ACE: variants seen among roughly 807,000 people sequenced by gnomAD.
ACE encodes the protein angiotensin I converting enzyme, also known as angiotensin-converting enzyme.
A neutral mutation model predicts 162.3 loss-of-function variants in ACE; 122 were observed. The ratio of observed to expected loss-of-function variants is 0.75; its 90% CI spans 0.65 to 0.87. The LOEUF (loss-of-function observed/expected upper bound fraction) is 0.87. Among genes scored for constraint, ACE ranks in the 40% least tolerant of loss-of-function variants. ACE has a pLI of 0.00. For synonymous variants in ACE, 796 were observed against 720.6 expected, an observed-to-expected ratio of 1.10 and a Z score of -1.68; for missense variants, 1,799 against 1,735.1, an observed-to-expected ratio of 1.04 and a Z score of -0.65.
At chr17:63,490,691 C>T (rs1156505786) in intron 17 of ACE, 2 of 517,624 alleles carry the variant, frequency 3.9e-6, no homozygotes, top group Non-Finnish European at 7.1e-6. Flanking sequence ...ACATTGGTCT[C>T]CACTGCTCAC....
chr17:63,493,419 C>A lies in ACE; in HGVS notation c.2913-17C>A, dbSNP rs561615933. The stretch of plus-strand genomic sequence containing the variant: ...TGTCCTCTCCCAACACCCTCTCCCC[C>A]ACTCCACTATTCCTAGGATCAAGCA... On this transcript the variant is annotated splice_polypyrimidine_tract_variant and intron_variant, in intron 19 of 24. Coordinates refer to ENST00000290866, the MANE Select transcript of ACE (RefSeq NM_000789.4). 9.3e-6 allele frequency: 15 copies of A among 1,612,608 alleles called. No individual in the cohort carries two copies. Among genetic ancestry groups the A allele is most frequent in the Middle Eastern group, 1.7e-4 (1 of 5,894 alleles).
Position 63,486,993 on chromosome 17 carries a change from A to G in ACE, c.2225A>G (p.Lys742Arg), listed in dbSNP as rs2029992890. Residue 742 changes from lysine (K) to arginine (R), a missense_variant, in exon 15 of 25, where the codon AAG (lysine) becomes AGG (arginine). Transcript: ENST00000290866. ...LPAQELEEYN[K>R]ILLDMETTYS... Reference sequence around the variant, plus strand: ...CTCTCCTTCCTCCTGCAGTACAACAAGATCCTGTTGGATATGGAAACCACC... The same window carrying G: ...CTCTCCTTCCTCCTGCAGTACAACAGGATCCTGTTGGATATGGAAACCACC... 15 of 1,613,542 alleles carry G rather than the reference A, an allele frequency of 9.3e-6. No homozygotes were observed. Among genetic ancestry groups the G allele is most frequent in the Non-Finnish European group, 1.2e-5 (14 of 1,179,782 alleles).
intron 5 of ACE, 70 bp downstream of exon 5, chr17:63,480,598 TC>T: frequency 6.4e-7 from 1 of 1,562,266 alleles, no homozygotes. Context: ...GTGGGGGATG[TC>T]CAGGGTAAGG....
At chr17:63,487,606 GA>G (rs1184493152) in intron 15 of ACE, among the ~76,000 whole-genome samples, 3 of 152,126 alleles carry the variant, frequency 2.0e-5, no homozygotes, top group Non-Finnish European at 4.4e-5. Context: ...CTACTGGATA[GA>G]AGTAGACAGC....
Position 63,482,495 on chromosome 17 carries a change from A to G in ACE, c.1148A>G (p.Asp383Gly), listed in dbSNP as rs374899854. 3.1e-6 allele frequency: 5 copies of G among 1,613,858 alleles called. No individual in the cohort carries two copies. Among genetic ancestry groups the G allele is most frequent in the Admixed American group, 1.7e-5 (1 of 59,986 alleles). ...AAGCAGTGCACACGGGTCACGATGG[A>G]CCAGCTCTCCACAGTGCACCATGAG... ...RIKQCTRVTMDQLSTVHHEMG... is the reference protein window; with the variant it reads ...RIKQCTRVTMGQLSTVHHEMG... The change falls in exon 8 of 25, where the codon GAC becomes GGC. Residue 383 changes from aspartate to glycine, a missense_variant. By Grantham distance (94) the Asp-to-Gly change is moderately conservative. Coordinates refer to ENST00000290866, the MANE Select transcript of ACE (RefSeq NM_000789.4).
chr17:63,478,338 C>T (rs1356492351), intron 2 of ACE: 1 of 574,818 alleles, frequency 1.7e-6, no homozygotes, highest in East Asian at 3.0e-5. Context: ...TTCAAATACA[C>T]TTCTCCCTAG....
intron 7 of ACE, among the ~76,000 whole-genome samples, chr17:63,482,238 T>C (rs146902069): frequency 0.02 from 3,085 of 152,020 alleles, 103 homozygotes; most frequent in African/African-American, 0.067. Context: ...GAGGCGGAGG[T>C]TGCAGTGAGC....
Position 63,493,842 on chromosome 17 carries a change from C to G in ACE, c.3137-80C>G, listed in dbSNP as rs915959873. ...CAGGGCCCAAAAGGTACAGCACCCC[C>G]ACCCCTCCACCATCACAGGCACACC... On this transcript the variant is annotated intron_variant, in intron 20 of 24. Coordinates refer to ENST00000290866, the MANE Select transcript of ACE (RefSeq NM_000789.4). The G allele has an allele frequency of 1.3e-5, 21 of 1,602,582 alleles. No homozygotes were observed. In the Middle Eastern group the frequency reaches 8.7e-4, roughly 66 times the overall value.
Position 63,497,178 on chromosome 17 carries a change from T to G in ACE, c.3733T>G (p.Phe1245Val). Reference sequence around the variant, plus strand: ...CCTCCCAGACAGCGGCCGCGTCAGCTTCCTGGGCCTGGACCTGGATGCGCA... The same window carrying G: ...CCTCCCAGACAGCGGCCGCGTCAGCGTCCTGGGCCTGGACCTGGATGCGCA... ...GPLPDSGRVS[F>V]LGLDLDAQQA... Residue 1245 changes from phenylalanine (F) to valine (V), a missense_variant, in exon 25 of 25, where the codon TTC becomes GTC. Coordinates refer to ENST00000290866, the MANE Select transcript of ACE (RefSeq NM_000789.4). 2 of 1,604,204 alleles carry G rather than the reference T, an allele frequency of 1.2e-6. No individual in the cohort carries two copies. The highest frequency in any genetic ancestry group is 1.7e-6 in the Non-Finnish European group (2 of 1,179,238).
chr17:63,498,250 C>CCCTGCATT lies in ACE; in HGVS notation c.*885_*892dup, dbSNP rs781304967. On this transcript the variant is annotated 3_prime_UTR_variant, in exon 25 of 25. Transcript: ENST00000290866. ...GCGTCCCAGCACACACCTCCTCACTCCCTGCATTGGAGGGAGTGTCATTTT... is the reference window on the plus strand; with the variant it reads ...GCGTCCCAGCACACACCTCCTCACTCCCTGCATTCCTGCATTGGAGGGAGTGTCATTTT... 6.6e-5 allele frequency: 10 copies of CCCTGCATT among 152,368 alleles called. No homozygotes were observed. Among genetic ancestry groups the CCCTGCATT allele is most frequent in the Middle Eastern group, 3.4e-3 (1 of 294 alleles). The allele number at this position is 152,368 out of a possible 1,614,324, so 9.4% of individuals were successfully genotyped here.
intron 9 of ACE, 113 bp downstream of exon 9, chr17:63,483,286 C>G: frequency 6.4e-7 from 1 of 1,566,376 alleles, no homozygotes; most frequent in Non-Finnish European, 8.8e-7. Flanking sequence ...ATGATGTCCC[C>G]CGCTGTGACC....
At chr17:63,481,475 C>T (rs1305840824) in intron 6 of ACE, 91 bp from the exon 7 acceptor site, 1 of 1,419,172 alleles carries the variant, frequency 7.0e-7, no homozygotes, top group Non-Finnish European at 9.7e-7. Flanking sequence ...CTTTCATGCA[C>T]AGGGAGTTGA....
At position 63,481,701 on chromosome 17, in the gene ACE, G is replaced by A. The variant is rs546455400; in HGVS notation, c.1081G>A (p.Ala361Thr). ...CGACGGGCGGGAAGTGGTGTGCCAC[G>A]CCTCGGCTTGGGACTTCTACAACAG... ...PADGREVVCHASAWDFYNRKD... is the reference protein window; with the variant it reads ...PADGREVVCHTSAWDFYNRKD... Residue 361 changes from alanine to threonine, a missense_variant, in exon 7 of 25, where the codon GCC (alanine) becomes ACC (threonine). Transcript: ENST00000290866. The A allele has an allele frequency of 2.0e-5, 32 of 1,614,154 alleles. No individual in the cohort carries two copies. In the East Asian group the frequency reaches 2.5e-4, roughly 12 times the overall value.
chr17:63,478,045 G>A lies in ACE; in HGVS notation c.364G>A (p.Gly122Arg), dbSNP rs1170830801. Reference protein sequence around the residue: ...FTDPQLRRIIGAVRTLGSANL... With the variant: ...FTDPQLRRIIRAVRTLGSANL... ...GGACCCGCAGCTGCGCAGGATCATC[G>A]GAGCTGTGCGCACCCTGGGCTCTGC... is the stretch of plus-strand genomic sequence containing the variant. The change falls in exon 2 of 25, where the codon GGA becomes AGA. Residue 122 changes from glycine to arginine, a missense_variant. Transcript: ENST00000290866. 1.2e-6 allele frequency: 2 copies of A among 1,603,976 alleles called. No individual in the cohort carries two copies. The highest frequency in any genetic ancestry group is 8.5e-7 in the Non-Finnish European group (1 of 1,175,640).
At chr17:63,481,221 GGTC>G in intron 6 of ACE, 33 bp downstream of exon 6, 1 of 1,387,172 alleles carries the variant, frequency 7.2e-7, no homozygotes, top group Non-Finnish European at 1.0e-6. Context: ...GGGTGGTGGG[GGTC>G]GGGGGTGGGG....
At chr17:63,478,203 A>G in intron 2 of ACE, 105 bp downstream of exon 2, 1 of 1,424,918 alleles carries the variant, frequency 7.0e-7, no homozygotes, top group Non-Finnish European at 9.5e-7. Flanking sequence ...TGGGATCCAC[A>G]TGGGCCCTGA....
intron 1 of ACE, 158 bp from the exon 2 acceptor site, chr17:63,477,773 C>T: frequency 2.4e-6 from 2 of 824,622 alleles, no homozygotes; most frequent in Non-Finnish European, 1.9e-6. Context: ...GGAGGAAGCG[C>T]GGCTTCCGCA....
In ACE at chr17:63,491,275, G is replaced by A. The variant is rs752081336; in HGVS notation, c.2806G>A (p.Val936Met). ...DFFTSLGLLP[V>M]PPEFWNKSML... ...CTTCACCTCCCTGGGGCTGCTGCCC[G>A]TGCCTCCTGAGTTCTGGAACAAGTC... Residue 936 changes from valine (V) to methionine (M), a missense_variant, in exon 19 of 25, where the codon GTG (valine) becomes ATG (methionine). Transcript: ENST00000290866. The surrounding 1 kb of genome is among the most constrained non-coding windows in gnomAD (Gnocchi z 4.4). 120 of 1,614,034 alleles carry A rather than the reference G, an allele frequency of 7.4e-5. No individual in the cohort carries two copies. The highest frequency in any genetic ancestry group is 9.6e-5 in the Non-Finnish European group (113 of 1,180,030).
Position 63,483,444 on chromosome 17 carries a change from A to G in ACE, c.1488-16A>G, listed in dbSNP as rs374401819. 1.2e-6 allele frequency: 2 copies of G among 1,607,864 alleles called. No homozygotes were observed. The highest frequency in any genetic ancestry group is 1.7e-6 in the Non-Finnish European group (2 of 1,174,466). ...CAACCTCTAGGCCCTAAGACAATTT[A>G]ACCATCCTTTTCCAGAACCAAGTAT... is the stretch of plus-strand genomic sequence containing the variant. On this transcript the variant is annotated splice_polypyrimidine_tract_variant and intron_variant, in intron 9 of 24. Transcript: ENST00000290866.
Sources: gnomAD v4.1 joint callset for allele counts (sites outside exome capture counted in the v4.1 genomes callset) on GRCh38, gnomAD v4.1.1 for gene constraint, Gnocchi (gnomAD v3.1) non-coding constraint, MANE v1.5 for transcripts, NCBI Gene and HGNC (gene_info 2026-07-23, HGNC 2026-07-21) for gene names.